Variants in SSPN observed in about 807,000 individuals in gnomAD.
SSPN encodes sarcospan, also known as K-ras oncogene-associated protein.
Under a neutral mutation model 19.1 loss-of-function variants are expected in SSPN, and 15 were observed. That is an observed-to-expected ratio of 0.78 (90% CI 0.52 to 1.21). SSPN has a LOEUF of 1.21. Among genes scored for constraint, SSPN ranks in the 50% most tolerant of loss-of-function variants. The probability of loss-of-function intolerance (pLI) is 0.00; values close to 1 mark genes in which losing one functional copy is unlikely to be tolerated. For synonymous variants in SSPN, 147 were observed against 140.3 expected, an observed-to-expected ratio of 1.05 and a Z score of -0.34; for missense variants, 291 against 314.0, an observed-to-expected ratio of 0.93 and a Z score of 0.55.
At chr12:26,123,054 G>C in intron 1 of SSPN, 16 of 1,583,502 alleles carry the variant, frequency 1.0e-5, no homozygotes, top group Non-Finnish European at 1.2e-5. Context: ...CGGCTCCCTG[G>C]GTGTCCAGCT....
intron 1 of SSPN, among the ~76,000 whole-genome samples, chr12:26,202,308 C>A (rs1261103114): frequency 6.6e-6 from 1 of 152,076 alleles, no homozygotes; most frequent in Non-Finnish European, 1.5e-5. Flanking sequence ...CAAACACAGA[C>A]AAATTTATTT....
chr12:26,207,439 C>A (rs367685606), intron 1 of SSPN, among the ~76,000 whole-genome samples: 14 of 151,484 alleles, frequency 9.2e-5, no homozygotes, highest in African/African-American at 2.9e-4. Flanking sequence ...TTGAAGTCTC[C>A]CATGTTTCAT....
At chr12:26,183,938 G>A (rs1330906600) in intron 1 of SSPN, among the ~76,000 whole-genome samples, 1 of 152,200 alleles carries the variant, frequency 6.6e-6, no homozygotes, top group Non-Finnish European at 1.5e-5. Flanking sequence ...AATTGTCAGT[G>A]AATAAGAGCT....
At chr12:26,202,234 G>A (rs140724403) in intron 1 of SSPN, among the ~76,000 whole-genome samples, 3 of 152,168 alleles carry the variant, frequency 2.0e-5, no homozygotes, top group Admixed American at 1.3e-4. Flanking sequence ...TTTTTGATCC[G>A]TGGTTGATTA....
intron 2 of SSPN, among the ~76,000 whole-genome samples, chr12:26,229,859 C>A (rs931355802): frequency 6.6e-6 from 1 of 152,214 alleles, no homozygotes; most frequent in Non-Finnish European, 1.5e-5. Flanking sequence ...GTGGCCATGT[C>A]AGTGAACACC....
At position 26,208,195 on chromosome 12, in the gene SSPN, A is replaced by C. The variant is rs1944949326; in HGVS notation, c.279+12244A>C. Among the ~76,000 whole-genome samples the C allele has an allele frequency of 2.0e-5, 3 of 152,220 alleles. No individual in the cohort carries two copies. In the South Asian group the frequency reaches 6.2e-4, roughly 32 times the overall value. On this transcript the variant is annotated intron_variant, in intron 1 of 2. Transcript: ENST00000242729. ...AGAAGTCAAATTGTTGGGTCATAAG[A>C]TATAGACATCGTCAAATTACTAGCT...
chr12:26,124,118 C>G (rs773611743), intron 1 of SSPN: 1 of 1,613,174 alleles, frequency 6.2e-7, no homozygotes, highest in Non-Finnish European at 8.5e-7. Flanking sequence ...CTGAGCAATG[C>G]ATTCATTAAT....
chr12:26,126,382 C>G (rs2137392887), intron 1 of SSPN: 1 of 152,346 alleles, frequency 6.6e-6, no homozygotes, highest in South Asian at 2.1e-4. Flanking sequence ...TTTTCCTGCA[C>G]AGAGAGGGAT....
intron 1 of SSPN, among the ~76,000 whole-genome samples, chr12:26,148,271 C>G (rs1944504741): frequency 6.6e-6 from 1 of 152,158 alleles, no homozygotes; most frequent in African/African-American, 2.4e-5. Context: ...CTAGCTTCTT[C>G]CCGAGATCTG....
At chr12:26,154,813 A>C (rs931460452) in intron 1 of SSPN, among the ~76,000 whole-genome samples, 1 of 152,142 alleles carries the variant, frequency 6.6e-6, no homozygotes, top group African/African-American at 2.4e-5. Context: ...TCTAGGGCAG[A>C]GTAGAATTGG....
At chr12:26,197,388 C>G in intron 1 of SSPN, among the ~76,000 whole-genome samples, 1 of 152,134 alleles carries the variant, frequency 6.6e-6, no homozygotes, top group East Asian at 1.9e-4. Flanking sequence ...TTAAAAATAG[C>G]TTTTCAGTAA....
intron 1 of SSPN, among the ~76,000 whole-genome samples, chr12:26,141,029 T>C (rs1351650385): frequency 6.6e-6 from 1 of 152,190 alleles, no homozygotes; most frequent in Non-Finnish European, 1.5e-5. Flanking sequence ...GGCAGAATAA[T>C]GGGCCTCCAT....
At chr12:26,192,083 C>T (rs1256660397), upstream of SSPN, among the ~76,000 whole-genome samples, 5 of 152,206 alleles carry the variant, frequency 3.3e-5, no homozygotes, top group Non-Finnish European at 2.9e-5. Flanking sequence ...CCGTTCTGAA[C>T]TTCTGATGCA....
intron 1 of SSPN, among the ~76,000 whole-genome samples, chr12:26,167,326 A>G (rs1036432984): frequency 6.6e-6 from 1 of 152,082 alleles, no homozygotes; most frequent in African/African-American, 2.4e-5. Context: ...TATGCTACCT[A>G]CATATTAAAA....
At position 26,149,285 on chromosome 12, in the gene SSPN, A is replaced by ACCTTGTATTTGTATACATCTACAATT. The variant is rs1424048831; in HGVS notation, c.-31+27156_-31+27181dup. ...TAATTCCTTGTATTTGTATACATCT[A>ACCTTGTATTTGTATACATCTACAATT]CCTTGTATTTGTATACATCTACAAT... On this transcript the variant is annotated intron_variant, in intron 1 of 2. Transcript: ENST00000538142. Among the ~76,000 whole-genome samples, 563 of 152,256 alleles carry ACCTTGTATTTGTATACATCTACAATT rather than the reference A, an allele frequency of 3.7e-3. 1 individual carries two copies. The highest frequency in any genetic ancestry group is 0.012 in the African/African-American group (505 of 41,532).
intron 1 of SSPN, chr12:26,124,645 A>G: frequency 6.2e-7 from 1 of 1,612,644 alleles, no homozygotes; most frequent in Non-Finnish European, 8.5e-7. Flanking sequence ...CGCCAGCTCC[A>G]TACCACTTTC....
chr12:26,226,856 A>G (rs942946518), intron 2 of SSPN, among the ~76,000 whole-genome samples: 5 of 151,964 alleles, frequency 3.3e-5, no homozygotes, highest in African/African-American at 9.7e-5. Context: ...GCCACCGGGG[A>G]AGGTAATTAA....
At chr12:26,196,633 A>G (rs1254693389) in intron 1 of SSPN, among the ~76,000 whole-genome samples, 1 of 152,212 alleles carries the variant, frequency 6.6e-6, no homozygotes, top group Admixed American at 6.5e-5. Flanking sequence ...AACATGTAGC[A>G]TACTTGGCTT....
At chr12:26,197,777 T>A (rs992442631) in intron 1 of SSPN, among the ~76,000 whole-genome samples, 10 of 152,214 alleles carry the variant, frequency 6.6e-5, no homozygotes, top group African/African-American at 2.4e-4. Flanking sequence ...GGTTTTCTTT[T>A]TTATCATCTA....
Sources: allele counts gnomAD v4.1 joint callset (sites outside exome capture counted in the v4.1 genomes callset), GRCh38; gene constraint gnomAD v4.1.1; transcripts MANE v1.5; gene names NCBI Gene and HGNC (gene_info 2026-07-23, HGNC 2026-07-21).